The following TACC2 variants were observed in gnomAD, a reference collection of about 807,000 sequenced individuals.
The protein encoded by TACC2 is transforming acidic coiled-coil-containing protein 2.
Under a neutral mutation model 227.3 loss-of-function variants are expected in TACC2, and 137 were observed. The observed-to-expected ratio is 0.60, with a 90% confidence interval of 0.52 to 0.69. The LOEUF (loss-of-function observed/expected upper bound fraction) is 0.69, where lower values mean the gene tolerates loss of function less well. TACC2 is among the 30% of genes least tolerant of loss of function. The pLI is 0.00. For synonymous variants in TACC2, 1,523 were observed against 1,487.5 expected (o/e 1.02, Z -0.55); for missense variants, 3,470 against 3,694.4 (o/e 0.94, Z 1.57).
rs763469698 is a variant in TACC2 at position 122,211,474 on chromosome 10, T to C, written c.7049T>C (p.Phe2350Ser). 33 of 1,614,082 alleles carry C rather than the reference T, an allele frequency of 2.0e-5. No individual in the cohort carries two copies. Among genetic ancestry groups the C allele is most frequent in the Non-Finnish European group, 2.8e-5 (33 of 1,180,018 alleles). ...TGGGATGACCCCAATTTTAACCCTTTTTCTTCCACCTCAAAAATGCAGGAG... is the reference window on the plus strand; with the variant it reads ...TGGGATGACCCCAATTTTAACCCTTCTTCTTCCACCTCAAAAATGCAGGAG... ...DKWDDPNFNPFSSTSKMQESP... is the reference protein window; with the variant it reads ...DKWDDPNFNPSSSTSKMQESP... Residue 2350 changes from phenylalanine (F) to serine (S), a missense_variant, in exon 9 of 23, where the codon TTT becomes TCT. Phe to Ser is a radical substitution (Grantham distance 155). This residue lies in a region of TACC2 where 593 missense variants were observed against 636.6 expected (regional missense o/e 0.93). Transcript: ENST00000369005.
chr10:122,057,499 A>G (rs556248134), intron 3 of TACC2, among the ~76,000 whole-genome samples: 1 of 152,172 alleles, frequency 6.6e-6, no homozygotes, highest in South Asian at 2.1e-4. Context: ...GGGACCCTAA[A>G]GAAGCCTTAA....
chr10:122,128,474 G>A, intron 5 of TACC2, among the ~76,000 whole-genome samples: 1 of 152,188 alleles, frequency 6.6e-6, no homozygotes. Flanking sequence ...TTTTATTCCA[G>A]ATCTTCTTTG....
At chr10:122,217,363 C>T (rs2095427348) in intron 11 of TACC2, among the ~76,000 whole-genome samples, 1 of 151,198 alleles carries the variant, frequency 6.6e-6, no homozygotes, top group South Asian at 2.1e-4. Context: ...GGGCTCCGGA[C>T]AACTTTGCTT....
intron 8 of TACC2, among the ~76,000 whole-genome samples, chr10:122,196,395 G>A (rs144934232): frequency 1.6e-4 from 25 of 152,258 alleles, no homozygotes; most frequent in African/African-American, 4.3e-4. Context: ...CATGTCCCCC[G>A]TCTTTGACGG....
chr10:122,087,194 C>G lies in TACC2; in HGVS notation c.4694C>G (p.Ala1565Gly), dbSNP rs748652112. 1 of 1,611,948 alleles carries G rather than the reference C, an allele frequency of 6.2e-7. No individual in the cohort carries two copies. Among genetic ancestry groups the G allele is most frequent in the South Asian group, 1.1e-5 (1 of 90,826 alleles). The change falls in exon 4 of 23, where the codon GCT (alanine) becomes GGT (glycine). Residue 1565 changes from alanine to glycine, a missense_variant. Transcript: ENST00000369005. ...ELASGLPSPA[A>G]TQELPVERAA... ...GCTTCAGGTCTTCCTTCACCAGCAG[C>G]TACTCAGGAGCTCCCTGTGGAGAGA...
chr10:122,176,890 A>T (rs1206904544), intron 7 of TACC2, among the ~76,000 whole-genome samples: 1 of 152,224 alleles, frequency 6.6e-6, no homozygotes, highest in East Asian at 1.9e-4. Flanking sequence ...TAGCCCCCTG[A>T]GCCACAGAAA....
chr10:122,197,431 G>T (rs1273192976), intron 8 of TACC2, among the ~76,000 whole-genome samples: 1 of 152,214 alleles, frequency 6.6e-6, no homozygotes, highest in Non-Finnish European at 1.5e-5. Flanking sequence ...ATGCCACTCT[G>T]TTCTCTTCTT....
intron 22 of TACC2, among the ~76,000 whole-genome samples, chr10:122,252,577 G>A (rs996646095): frequency 1.3e-5 from 2 of 150,530 alleles, no homozygotes; most frequent in Non-Finnish European, 2.9e-5. Flanking sequence ...TGCAACCTCC[G>A]CCTCCCAGGT....
intron 9 of TACC2, 101 bp downstream of exon 9, chr10:122,211,809 G>T (rs2095299680): frequency 3.9e-6 from 4 of 1,016,908 alleles, no homozygotes; most frequent in East Asian, 5.4e-5. Context: ...CCCTAACCTT[G>T]CCCCTGGGTG....
intron 5 of TACC2, among the ~76,000 whole-genome samples, chr10:122,104,321 T>C (rs973501793): frequency 1.3e-5 from 2 of 152,220 alleles, no homozygotes; most frequent in African/African-American, 2.4e-5. Flanking sequence ...ATCTACTTAC[T>C]ATCTTTCTAT....
At chr10:122,090,312 C>T (rs533902726) in intron 5 of TACC2, among the ~76,000 whole-genome samples, 195 of 151,688 alleles carry the variant, frequency 1.3e-3, no homozygotes, top group African/African-American at 4.3e-3. Flanking sequence ...TTTGGGAGAC[C>T]GAGGCAGGCA....
At chr10:122,207,262 G>A (rs1178215959) in intron 8 of TACC2, among the ~76,000 whole-genome samples, 3 of 151,386 alleles carry the variant, frequency 2.0e-5, no homozygotes, top group Non-Finnish European at 4.4e-5. Context: ...TCGCACCACT[G>A]CACTCCAGCC....
chr10:122,035,053 G>A (rs10887054), intron 2 of TACC2, among the ~76,000 whole-genome samples: 55,456 of 151,968 alleles, frequency 0.36, 10,599 homozygotes, highest in South Asian at 0.46. Context: ...ACTGCCATAA[G>A]TCAGTGGCAG....
At chr10:122,181,964 T>A (rs2093985568) in intron 7 of TACC2, among the ~76,000 whole-genome samples, 1 of 152,256 alleles carries the variant, frequency 6.6e-6, no homozygotes, top group African/African-American at 2.4e-5. Context: ...TTTATTGCAC[T>A]GCTTGCAGAC....
Position 122,180,365 on chromosome 10 carries a change from T to A in TACC2, c.5835-14675T>A, listed in dbSNP as rs1427143698. Among the ~76,000 whole-genome samples the A allele has an allele frequency of 6.6e-6, 1 of 151,100 alleles. No individual in the cohort carries two copies. Among genetic ancestry groups the A allele is most frequent in the African/African-American group, 2.4e-5 (1 of 41,108 alleles). On this transcript the variant is annotated intron_variant, in intron 7 of 22. Transcript: ENST00000369005. The surrounding 1 kb of genome is among the most constrained non-coding windows in gnomAD (Gnocchi z 4.5). ...TTTTTTTTTTTTTTTGGGTTAATAGTCTGGCTTTGTCGCCCAGGCTGGAGT... is the reference window on the plus strand; with the variant it reads ...TTTTTTTTTTTTTTTGGGTTAATAGACTGGCTTTGTCGCCCAGGCTGGAGT...
chr10:122,062,025 CTTTTTTT>C (rs140523380), intron 3 of TACC2, among the ~76,000 whole-genome samples: 22 of 63,970 alleles, frequency 3.4e-4, no homozygotes, highest in East Asian at 1.2e-3. Context: ...GTCAGAGCGG[CTTTTTTT>C]TTTTTTTTTT....
intron 19 of TACC2, among the ~76,000 whole-genome samples, chr10:122,243,068 C>G (rs536571040): frequency 1.3e-5 from 2 of 152,302 alleles, no homozygotes; most frequent in East Asian, 3.9e-4. Context: ...CTCAGCCTCT[C>G]AAGTAGCTGG....
chr10:122,191,385 C>T (rs1049896745), intron 7 of TACC2, among the ~76,000 whole-genome samples: 3 of 152,164 alleles, frequency 2.0e-5, no homozygotes, highest in African/African-American at 7.2e-5. Context: ...TCATGCTTTT[C>T]ATGCTGAGAA....
At chr10:122,167,699 G>C (rs567391346) in intron 7 of TACC2, among the ~76,000 whole-genome samples, 1 of 152,120 alleles carries the variant, frequency 6.6e-6, no homozygotes, top group African/African-American at 2.4e-5. Flanking sequence ...CTCCTGCCTC[G>C]CAGGGTTTTT....
Sources: allele counts gnomAD v4.1 joint callset (sites outside exome capture counted in the v4.1 genomes callset), GRCh38; gene constraint gnomAD v4.1.1; regional missense constraint gnomAD v4.1.1; non-coding constraint Gnocchi (gnomAD v3.1); transcripts MANE v1.5; gene names NCBI Gene and HGNC (gene_info 2026-07-23, HGNC 2026-07-21).